Variants in RUNDC3B observed in about 807,000 individuals in gnomAD.
RUNDC3B encodes the protein RUN domain containing 3B, also known as RUN domain-containing protein 3B.
In RUNDC3B, 33 loss-of-function variants were observed where a neutral mutation model predicts 58.4. The observed-to-expected ratio is 0.56, with a 90% CI of 0.43 to 0.75. The LOEUF is 0.75. RUNDC3B is among the 30% of genes least tolerant of loss of function. RUNDC3B has a pLI of 0.00. For synonymous variants in RUNDC3B, 193 were observed against 195.2 expected (o/e 0.99, Z 0.10); for missense variants, 501 against 535.7 (o/e 0.94, Z 0.64).
At chr7:87,756,245 A>G (rs898316985) in intron 6 of RUNDC3B, among the ~76,000 whole-genome samples, 2 of 152,032 alleles carry the variant, frequency 1.3e-5, no homozygotes, top group Non-Finnish European at 2.9e-5. Context: ...ACTTTCTAGT[A>G]TTTAGGGCAT....
chr7:87,748,578 A>G (rs761358439), intron 6 of RUNDC3B, among the ~76,000 whole-genome samples: 1 of 152,200 alleles, frequency 6.6e-6, no homozygotes, highest in Non-Finnish European at 1.5e-5. Context: ...CTGTATGTGT[A>G]TAAAATATGT....
intron 4 of RUNDC3B, among the ~76,000 whole-genome samples, chr7:87,738,627 A>G (rs1195050326): frequency 6.6e-6 from 1 of 151,982 alleles, no homozygotes; most frequent in Non-Finnish European, 1.5e-5. Flanking sequence ...GATTTAATAG[A>G]AGATATAGGA....
chr7:87,634,896 C>T (rs775548372), intron 1 of RUNDC3B, among the ~76,000 whole-genome samples: 23 of 152,130 alleles, frequency 1.5e-4, no homozygotes, highest in Non-Finnish European at 2.6e-4. Flanking sequence ...TTAGTAGATG[C>T]GCACAATGGA....
intron 1 of RUNDC3B, among the ~76,000 whole-genome samples, chr7:87,634,831 C>T (rs1457555893): frequency 2.0e-5 from 3 of 151,966 alleles, no homozygotes; most frequent in Non-Finnish European, 4.4e-5. Context: ...TAGTTATATA[C>T]CTTGGAAGCA....
intron 1 of RUNDC3B, 193 bp downstream of exon 1, chr7:87,629,138 A>G: frequency 6.7e-6 from 3 of 444,986 alleles, no homozygotes; most frequent in Middle Eastern, 6.0e-4. Context: ...GCAGCCCTGG[A>G]CTTTGTGTCA....
chr7:87,650,605 T>C (rs991903092), intron 1 of RUNDC3B, among the ~76,000 whole-genome samples: 1 of 152,112 alleles, frequency 6.6e-6, no homozygotes. Flanking sequence ...TACACAAACA[T>C]TCTGACCAGA....
At chr7:87,749,858 TC>T (rs1475170677) in intron 6 of RUNDC3B, among the ~76,000 whole-genome samples, 2 of 145,384 alleles carry the variant, frequency 1.4e-5, no homozygotes, top group African/African-American at 2.4e-5. Context: ...GTATTTTCTT[TC>T]TTTTTTTTTA....
chr7:87,816,295 C>G (rs1837027940), intron 10 of RUNDC3B, 33 bp downstream of exon 10: 6 of 1,571,456 alleles, frequency 3.8e-6, no homozygotes, highest in Non-Finnish European at 5.2e-6. Context: ...GAAAATTACT[C>G]TTTTCCTGTA....
intron 2 of RUNDC3B, among the ~76,000 whole-genome samples, chr7:87,689,974 T>C (rs895374861): frequency 1.3e-5 from 2 of 152,130 alleles, no homozygotes; most frequent in Non-Finnish European, 2.9e-5. Flanking sequence ...TTTAAATAGC[T>C]GTCATAGATT....
At chr7:87,818,604 A>C (rs150753311) in intron 10 of RUNDC3B, among the ~76,000 whole-genome samples, 20 of 152,356 alleles carry the variant, frequency 1.3e-4, no homozygotes, top group African/African-American at 4.6e-4. Context: ...CCAAGCTTTC[A>C]GCATAAACAG....
At chr7:87,693,189 A>C (rs910947557) in intron 2 of RUNDC3B, among the ~76,000 whole-genome samples, 1 of 152,214 alleles carries the variant, frequency 6.6e-6, no homozygotes, top group Admixed American at 6.5e-5. Context: ...TGAAAAATAT[A>C]GCAGAAATTT....
At chr7:87,644,042 A>G (rs1822729734) in intron 1 of RUNDC3B, among the ~76,000 whole-genome samples, 1 of 152,074 alleles carries the variant, frequency 6.6e-6, no homozygotes, top group Admixed American at 6.5e-5. Flanking sequence ...TATTTTTAGT[A>G]GAGATGGAGT....
intron 3 of RUNDC3B, among the ~76,000 whole-genome samples, chr7:87,701,750 C>T (rs1220317754): frequency 6.6e-6 from 1 of 152,138 alleles, no homozygotes; most frequent in Non-Finnish European, 1.5e-5. Context: ...AGATTTTCTT[C>T]ATATACTTCA....
At chr7:87,754,436 A>G (rs189097567) in intron 6 of RUNDC3B, among the ~76,000 whole-genome samples, 145 of 152,332 alleles carry the variant, frequency 9.5e-4, no homozygotes, top group Non-Finnish European at 1.9e-3. Flanking sequence ...GACAGAGCTA[A>G]GGCACTGTTA....
intron 8 of RUNDC3B, among the ~76,000 whole-genome samples, chr7:87,787,712 C>T (rs141892709): frequency 2.4e-4 from 37 of 152,200 alleles, no homozygotes; most frequent in African/African-American, 8.4e-4. Flanking sequence ...ATAACATACT[C>T]ACTTTGTGAA....
At chr7:87,821,262 C>T (rs934079945) in intron 10 of RUNDC3B, among the ~76,000 whole-genome samples, 15 of 152,036 alleles carry the variant, frequency 9.9e-5, no homozygotes, top group South Asian at 4.2e-4. Context: ...AAACAGAGAG[C>T]GAAATCATGA....
intron 3 of RUNDC3B, among the ~76,000 whole-genome samples, chr7:87,710,348 AAGTT>A (rs201032768): frequency 0.015 from 2,305 of 152,272 alleles, 26 homozygotes; most frequent in Admixed American, 0.022. Flanking sequence ...AGAGGATAGA[AAGTT>A]AGTTTGACAT....
chr7:87,694,594 G>C (rs956398756), intron 2 of RUNDC3B, among the ~76,000 whole-genome samples: 4 of 152,044 alleles, frequency 2.6e-5, no homozygotes, highest in Admixed American at 1.3e-4. Context: ...AATTTTATCT[G>C]TTTTATGTTC....
chr7:87,674,837 C>G (rs1335659846), intron 2 of RUNDC3B, among the ~76,000 whole-genome samples: 1 of 152,118 alleles, frequency 6.6e-6, no homozygotes, highest in Non-Finnish European at 1.5e-5. Context: ...GTCCTACAGG[C>G]AAGAGCACCT....
Sources: gnomAD v4.1 joint callset for allele counts (sites outside exome capture counted in the v4.1 genomes callset) on GRCh38, gnomAD v4.1.1 for gene constraint, MANE v1.5 for transcripts, NCBI Gene and HGNC (gene_info 2026-07-23, HGNC 2026-07-21) for gene names.